The following PCDHA2 variants were observed in gnomAD, a reference collection of about 807,000 sequenced individuals.
The protein encoded by PCDHA2 is protocadherin alpha 2.
In PCDHA2, 58 loss-of-function variants were observed where a neutral mutation model predicts 66.0. The observed-to-expected ratio is 0.88, with a 90% confidence interval of 0.71 to 1.09. PCDHA2 has a LOEUF of 1.09. Ranked by LOEUF, PCDHA2 falls within the 50% of genes least tolerant of loss-of-function variation. The pLI, the probability that PCDHA2 is intolerant of heterozygous loss-of-function variation, is 0.00. For missense variants in PCDHA2, 1,267 were observed against 1,242.3 expected, an observed-to-expected ratio of 1.02 and a Z score of -0.30; for synonymous variants, 634 against 554.0, an observed-to-expected ratio of 1.14 and a Z score of -2.03.
At chr5:141,005,633 C>T (rs1292206901) in intron 3 of PCDHA2, among the ~76,000 whole-genome samples, 2 of 126,368 alleles carry the variant, frequency 1.6e-5, no homozygotes. Context: ...ACCCGGGAGG[C>T]GGAGCTTGCA....
chr5:140,962,944 G>T (rs572517623), intron 1 of PCDHA2, among the ~76,000 whole-genome samples: 1 of 152,158 alleles, frequency 6.6e-6, no homozygotes, highest in East Asian at 1.9e-4. Flanking sequence ...CTCTCCATAA[G>T]ATATGCTCTA....
intron 1 of PCDHA2, chr5:140,884,138 G>T (rs782798249): frequency 6.2e-7 from 1 of 1,613,410 alleles, no homozygotes; most frequent in Admixed American, 1.7e-5. Context: ...CCCGTTCCGC[G>T]TGGGGCTGTA....
chr5:140,843,688 A>T lies in PCDHA2; in HGVS notation c.2388+46336A>T, dbSNP rs181500612. 24 of 1,588,306 alleles carry T rather than the reference A, an allele frequency of 1.5e-5. 1 individual carries two copies. In the East Asian group the frequency reaches 4.7e-4, roughly 31 times the overall value. On this transcript the variant is annotated intron_variant, in intron 1 of 3. Transcript: ENST00000526136. The stretch of plus-strand genomic sequence containing the variant: ...GATCAGTTGATGTAGGCGAAGAGCA[A>T]GATTTAAATGTTGATCATGGCCTCA...
At chr5:140,842,131 T>A (rs2150330149) in intron 1 of PCDHA2, 1 of 1,613,890 alleles carries the variant, frequency 6.2e-7, no homozygotes, top group South Asian at 1.1e-5. Flanking sequence ...CTGATCCGGA[T>A]GAAGGAGCCA....
chr5:140,996,141 A>G (rs1238682290), intron 3 of PCDHA2, among the ~76,000 whole-genome samples: 1 of 152,182 alleles, frequency 6.6e-6, no homozygotes, highest in Admixed American at 6.5e-5. Context: ...TTCTCCCATT[A>G]TCTTGCCTTC....
intron 1 of PCDHA2, chr5:140,927,600 C>T (rs1179735453): frequency 1.9e-6 from 3 of 1,614,042 alleles, no homozygotes; most frequent in African/African-American, 1.3e-5. Flanking sequence ...TTGAGCGCTC[C>T]GTATACCGCA....
At chr5:141,000,415 ATATATATTTTTT>A (rs1251582263) in intron 3 of PCDHA2, among the ~76,000 whole-genome samples, 1 of 87,388 alleles carries the variant, frequency 1.1e-5, no homozygotes, top group East Asian at 3.4e-4. Context: ...ATATATATAT[ATATATATTTTTT>A]TTTTTTTTTT....
At chr5:140,821,613 A>G in intron 1 of PCDHA2, 1 of 802,296 alleles carries the variant, frequency 1.2e-6, no homozygotes. Flanking sequence ...TACAGTGAGT[A>G]GATTTTCCTT....
intron 1 of PCDHA2, chr5:140,854,477 T>C (rs1479298342): frequency 1.3e-5 from 2 of 149,980 alleles, no homozygotes; most frequent in African/African-American, 2.4e-5. Flanking sequence ...TAGAGAAGTA[T>C]AGAAACAGAA....
chr5:140,827,104 T>A (rs1424454737), intron 1 of PCDHA2, among the ~76,000 whole-genome samples: 1 of 152,180 alleles, frequency 6.6e-6, no homozygotes, highest in Non-Finnish European at 1.5e-5. Flanking sequence ...AGTCAGCATG[T>A]ATAGGTGAAA....
chr5:140,837,640 T>C (rs1438744422), intron 1 of PCDHA2, among the ~76,000 whole-genome samples: 1 of 151,670 alleles, frequency 6.6e-6, no homozygotes, highest in Non-Finnish European at 1.5e-5. Flanking sequence ...TTCCTTTCTT[T>C]CTTTCTTTCT....
chr5:140,885,283 T>C (rs1326439795), intron 1 of PCDHA2, among the ~76,000 whole-genome samples: 2 of 152,298 alleles, frequency 1.3e-5, no homozygotes, highest in Admixed American at 6.5e-5. Context: ...TATATACATA[T>C]ATAGAGAGAG....
intron 1 of PCDHA2, chr5:140,926,622 G>A: frequency 2.5e-6 from 1 of 396,424 alleles, no homozygotes. Context: ...CCCCTAGGCG[G>A]CGCTGCGCTC....
chr5:140,929,046 C>T, intron 1 of PCDHA2: 3 of 1,614,206 alleles, frequency 1.9e-6, no homozygotes, highest in Non-Finnish European at 2.5e-6. Context: ...CTCAGAGCTG[C>T]TGTCGCTCTA....
At chr5:140,828,808 T>G (rs2150159222) in intron 1 of PCDHA2, 1 of 1,614,144 alleles carries the variant, frequency 6.2e-7, no homozygotes, top group East Asian at 2.2e-5. Context: ...ATGATAATGC[T>G]CCCACTTTCG....
intron 1 of PCDHA2, chr5:140,928,140 G>C (rs200493520): frequency 2.5e-5 from 41 of 1,614,036 alleles, no homozygotes; most frequent in Non-Finnish European, 3.2e-5. Context: ...TCCTGATCAC[G>C]GCCTCAGATA....
In PCDHA2 at chr5:140,922,940, G is replaced by A. The variant is rs138846807; in HGVS notation, c.2389-56009G>A. 4.7e-3 allele frequency among the ~76,000 whole-genome samples: 717 copies of A among 152,280 alleles called. 4 individuals carry two copies. Among genetic ancestry groups the A allele is most frequent in the Middle Eastern group, 0.021 (6 of 292 alleles). On this transcript the variant is annotated intron_variant, in intron 1 of 3. Coordinates refer to ENST00000526136, the MANE Select transcript of PCDHA2 (RefSeq NM_018905.3). Reference sequence around the variant, plus strand: ...ACTTCAGACTTTTACTTCCAGCAATGGAAATCCAGTTTGTCTTCAGCCAGT... The same window carrying A: ...ACTTCAGACTTTTACTTCCAGCAATAGAAATCCAGTTTGTCTTCAGCCAGT...
intron 1 of PCDHA2, among the ~76,000 whole-genome samples, chr5:140,872,820 T>C (rs1233972983): frequency 6.6e-6 from 1 of 152,216 alleles, no homozygotes; most frequent in African/African-American, 2.4e-5. Flanking sequence ...TTCAGATTCA[T>C]CTAGCAGAGA....
chr5:140,818,115 T>G (rs1287358560), intron 1 of PCDHA2, among the ~76,000 whole-genome samples: 3 of 152,250 alleles, frequency 2.0e-5, no homozygotes, highest in African/African-American at 7.2e-5. Flanking sequence ...TTTTATCAGT[T>G]TAAGAGAAGA....
Sources: allele counts gnomAD v4.1 joint callset (sites outside exome capture counted in the v4.1 genomes callset), GRCh38; gene constraint gnomAD v4.1.1; transcripts MANE v1.5; gene names NCBI Gene and HGNC (gene_info 2026-07-23, HGNC 2026-07-21).